The following ROBO2 variants were observed in gnomAD, a reference collection of about 807,000 sequenced individuals.
ROBO2 encodes roundabout homolog 2.
In ROBO2, 53 loss-of-function variants were observed where a neutral mutation model predicts 160.8. The ratio of observed to expected loss-of-function variants is 0.33; its 90% CI spans 0.26 to 0.41. ROBO2 has a LOEUF of 0.41. Among genes scored for constraint, ROBO2 ranks in the 10% least tolerant of loss-of-function variants. ROBO2 has a pLI of 1.00. For synonymous variants in ROBO2, 664 were observed against 611.7 expected, an observed-to-expected ratio of 1.09 and a Z score of -1.26; for missense variants, 1,577 against 1,722.4, an observed-to-expected ratio of 0.92 and a Z score of 1.49.
intron 6 of ROBO2, among the ~76,000 whole-genome samples, chr3:77,524,527 A>G (rs2090944353): frequency 6.6e-6 from 1 of 151,412 alleles, no homozygotes; most frequent in South Asian, 2.1e-4. Flanking sequence ...CATCCGAAAA[A>G]TATTTGCTGA....
intron 2 of ROBO2, among the ~76,000 whole-genome samples, chr3:76,986,696 A>T (rs1375464045): frequency 6.6e-6 from 1 of 152,200 alleles, no homozygotes; most frequent in Admixed American, 6.5e-5. Context: ...TAATTCATGT[A>T]TAATCACCAC....
At chr3:76,480,553 G>C (rs1460889634) in intron 2 of ROBO2, among the ~76,000 whole-genome samples, 2 of 152,116 alleles carry the variant, frequency 1.3e-5, no homozygotes, top group Non-Finnish European at 2.9e-5. Flanking sequence ...TACAGATCTA[G>C]AGGCTGAGAA....
chr3:77,148,981 T>C (rs914502953), intron 2 of ROBO2, among the ~76,000 whole-genome samples: 5 of 152,082 alleles, frequency 3.3e-5, no homozygotes, highest in African/African-American at 1.2e-4. Context: ...ACTTAAGGTA[T>C]TAAGATCGCT....
chr3:76,058,954 C>T (rs1246736655), intron 2 of ROBO2, among the ~76,000 whole-genome samples: 13 of 151,394 alleles, frequency 8.6e-5, no homozygotes, highest in African/African-American at 3.2e-4. Flanking sequence ...CCAGCTTCAC[C>T]CATGTCCCTA....
intron 2 of ROBO2, among the ~76,000 whole-genome samples, chr3:76,909,334 T>A (rs2075820334): frequency 6.6e-6 from 1 of 152,122 alleles, no homozygotes; most frequent in Non-Finnish European, 1.5e-5. Flanking sequence ...GCATGTGCAC[T>A]CGCAGACACA....
chr3:76,620,529 T>C (rs1050977735), intron 2 of ROBO2, among the ~76,000 whole-genome samples: 4 of 152,156 alleles, frequency 2.6e-5, no homozygotes, highest in Admixed American at 2.0e-4. Flanking sequence ...TAATTCAGCA[T>C]AGAAATATAA....
At chr3:76,723,130 T>C (rs1311030546) in intron 2 of ROBO2, among the ~76,000 whole-genome samples, 1 of 152,168 alleles carries the variant, frequency 6.6e-6, no homozygotes, top group Non-Finnish European at 1.5e-5. Context: ...ACAATTTTTC[T>C]ATTTGGATGG....
At chr3:77,199,787 T>A (rs929887784) in intron 2 of ROBO2, among the ~76,000 whole-genome samples, 1 of 123,496 alleles carries the variant, frequency 8.1e-6, no homozygotes, top group African/African-American at 2.7e-5. Flanking sequence ...CGTACCTCGC[T>A]AATTTTTTTT....
At chr3:76,062,376 G>A (rs1576689958) in intron 2 of ROBO2, among the ~76,000 whole-genome samples, 1 of 151,778 alleles carries the variant, frequency 6.6e-6, no homozygotes, top group Non-Finnish European at 1.5e-5. Flanking sequence ...TGTGCTGTCC[G>A]ACTACTTCAC....
chr3:76,690,412 G>A (rs993656257), intron 2 of ROBO2, among the ~76,000 whole-genome samples: 1 of 151,874 alleles, frequency 6.6e-6, no homozygotes. Flanking sequence ...AAAGGGGTTG[G>A]GAAAGTGGCT....
chr3:76,744,174 T>C (rs1043426648), intron 2 of ROBO2, among the ~76,000 whole-genome samples: 1 of 152,138 alleles, frequency 6.6e-6, no homozygotes, highest in African/African-American at 2.4e-5. Context: ...AACAAAGTAT[T>C]ACAAAATGGA....
intron 22 of ROBO2, chr3:77,617,979 G>T (rs111553598): frequency 1.7e-6 from 1 of 592,114 alleles, no homozygotes; most frequent in African/African-American, 1.9e-5. Flanking sequence ...AACTAGAACT[G>T]GAACTGGAGC....
chr3:75,942,441 A>C (rs1469040304), intron 2 of ROBO2, among the ~76,000 whole-genome samples: 5 of 152,146 alleles, frequency 3.3e-5, no homozygotes, highest in Non-Finnish European at 7.4e-5. Flanking sequence ...TGTTTCTTAC[A>C]TCTTTATGAT....
At chr3:77,086,721 G>C (rs2069373032) in intron 1 of ROBO2, among the ~76,000 whole-genome samples, 1 of 152,022 alleles carries the variant, frequency 6.6e-6, no homozygotes, top group Admixed American at 6.6e-5. Flanking sequence ...TGCATCCCTT[G>C]GACATGATGC....
chr3:77,640,096 CATTTTTTT>C (rs2095325480), intron 24 of ROBO2, among the ~76,000 whole-genome samples: 1 of 97,476 alleles, frequency 1.0e-5, no homozygotes, highest in Non-Finnish European at 2.0e-5. Flanking sequence ...GCAGAGGAAG[CATTTTTTT>C]TTTTTTTTTT....
intron 2 of ROBO2, among the ~76,000 whole-genome samples, chr3:77,322,594 G>C (rs1405672122): frequency 4.0e-5 from 6 of 151,574 alleles, no homozygotes; most frequent in African/African-American, 1.5e-4. Context: ...AAGGAAATGG[G>C]ATGTCAGGAG....
chr3:76,927,387 A>G (rs2077051403), intron 2 of ROBO2, among the ~76,000 whole-genome samples: 1 of 152,328 alleles, frequency 6.6e-6, no homozygotes, highest in South Asian at 2.1e-4. Context: ...GAAAATTTCC[A>G]TACAATAAAA....
chr3:77,201,309 G>C (rs549538360), intron 2 of ROBO2, among the ~76,000 whole-genome samples: 1 of 152,156 alleles, frequency 6.6e-6, no homozygotes, highest in African/African-American at 2.4e-5. Context: ...TGACCATTTC[G>C]CCACTAAGAA....
chr3:76,758,303 T>A (rs1309141149), intron 2 of ROBO2, among the ~76,000 whole-genome samples: 1 of 151,762 alleles, frequency 6.6e-6, no homozygotes, highest in African/African-American at 2.4e-5. Context: ...TGGGAAAAGA[T>A]CTTAAAGACT....
Sources: gnomAD v4.1 joint callset for allele counts (sites outside exome capture counted in the v4.1 genomes callset) on GRCh38, gnomAD v4.1.1 for gene constraint, MANE v1.5 for transcripts, NCBI Gene and HGNC (gene_info 2026-07-23, HGNC 2026-07-21) for gene names.